Variants in TRAK1 observed in about 807,000 individuals in gnomAD.
TRAK1 encodes trafficking kinesin protein 1, also known as trafficking kinesin-binding protein 1.
TRAK1 carries 33 observed loss-of-function variants against 92.1 expected under a neutral mutation model. The observed-to-expected ratio is 0.36, with a 90% CI of 0.27 to 0.48. The LOEUF (loss-of-function observed/expected upper bound fraction) is 0.48, where lower values mean the gene tolerates loss of function less well. Among genes scored for constraint, TRAK1 ranks in the 20% least tolerant of loss-of-function variants. The pLI is 0.99. For synonymous variants in TRAK1, 521 were observed against 517.3 expected (o/e 1.01, Z -0.10); for missense variants, 1,123 against 1,257.9 (o/e 0.89, Z 1.62).
chr3:42,022,933 C>T (rs1198962887), intron 1 of TRAK1, among the ~76,000 whole-genome samples: 9 of 151,676 alleles, frequency 5.9e-5, no homozygotes, highest in African/African-American at 1.5e-4. Context: ...CTGAGGCTGG[C>T]GGATCACGAG....
chr3:42,197,490 T>C (rs1373422041), intron 10 of TRAK1, among the ~76,000 whole-genome samples: 1 of 152,210 alleles, frequency 6.6e-6, no homozygotes, highest in Non-Finnish European at 1.5e-5. Context: ...TAGTTGAATC[T>C]GAAGAAGTGG....
At chr3:42,210,486 A>G in intron 14 of TRAK1, 4 of 1,223,364 alleles carry the variant, frequency 3.3e-6, no homozygotes, top group Non-Finnish European at 4.1e-6. Flanking sequence ...TGTCTCCCTG[A>G]GTCTAAGGGG....
rs1476203540 is a variant in TRAK1 at position 42,097,958 on chromosome 3, T to TGGG, written c.91+6399_91+6400insGGG. 1.1e-4 allele frequency among the ~76,000 whole-genome samples: 17 copies of TGGG among 152,334 alleles called. No individual in the cohort carries two copies. The East Asian group carries it at 3.3e-3, about 29-fold the overall frequency. On this transcript the variant is annotated intron_variant, in intron 1 of 15. Coordinates refer to ENST00000327628, the MANE Select transcript of TRAK1 (RefSeq NM_001042646.3). ...CTATGTGAACACCAGGGTCCAGTGA[T>TGGG]GTTTCTATTTCCGGAGGAGTATCTT...
intron 1 of TRAK1, among the ~76,000 whole-genome samples, chr3:42,055,298 G>A (rs983341372): frequency 3.9e-5 from 6 of 152,024 alleles, no homozygotes; most frequent in South Asian, 2.1e-4. Context: ...GAAACTGCCC[G>A]TAAAACTCTC....
intron 15 of TRAK1, among the ~76,000 whole-genome samples, chr3:42,219,880 C>T (rs992114196): frequency 1.4e-5 from 2 of 147,382 alleles, no homozygotes; most frequent in East Asian, 4.1e-4. Flanking sequence ...ACTGCAACCT[C>T]CACCTCCTGG....
At chr3:42,193,004 A>T in intron 7 of TRAK1, 71 bp from the exon 8 acceptor site, 1 of 1,578,374 alleles carries the variant, frequency 6.3e-7, no homozygotes, top group African/African-American at 1.4e-5. Flanking sequence ...AACCACAAAG[A>T]AACCATTCTC....
chr3:42,149,589 A>T, intron 2 of TRAK1: 1 of 1,536,074 alleles, frequency 6.5e-7, no homozygotes, highest in Non-Finnish European at 8.7e-7. Flanking sequence ...ATTATGAAGA[A>T]TGCTCGGATG....
At chr3:42,158,228 C>G (rs1182198130) in intron 2 of TRAK1, among the ~76,000 whole-genome samples, 1 of 152,064 alleles carries the variant, frequency 6.6e-6, no homozygotes, top group African/African-American at 2.4e-5. Flanking sequence ...TGAGTAAAGT[C>G]ACTTGATAGT....
intron 2 of TRAK1, among the ~76,000 whole-genome samples, chr3:42,130,886 G>A (rs1453434001): frequency 2.0e-5 from 3 of 152,182 alleles, no homozygotes; most frequent in African/African-American, 7.2e-5. Flanking sequence ...GCCTTGCACA[G>A]CCAGGGTATG....
chr3:42,196,998 T>TCACACACACA (rs1378434520), intron 10 of TRAK1, among the ~76,000 whole-genome samples: 16 of 94,844 alleles, frequency 1.7e-4, no homozygotes, highest in African/African-American at 6.1e-4. Flanking sequence ...TCTCTCTCTC[T>TCACACACACA]CTCTCACACA....
chr3:42,028,879 C>T (rs184782439), intron 1 of TRAK1, among the ~76,000 whole-genome samples: 54 of 152,174 alleles, frequency 3.5e-4, no homozygotes, highest in Non-Finnish European at 5.9e-4. Context: ...ATTTATGAGA[C>T]GGTATGTTAG....
intron 1 of TRAK1, among the ~76,000 whole-genome samples, chr3:42,054,362 A>G (rs1196478041): frequency 6.6e-6 from 1 of 152,182 alleles, no homozygotes; most frequent in African/African-American, 2.4e-5. Context: ...AGGCAGAGGC[A>G]AGGAGAGGCA....
At chr3:42,048,172 C>T (rs958994072) in intron 1 of TRAK1, among the ~76,000 whole-genome samples, 6 of 152,066 alleles carry the variant, frequency 3.9e-5, no homozygotes, top group African/African-American at 1.4e-4. Context: ...TTTCAATCTG[C>T]AGGTCCCCCT....
At chr3:42,219,443 A>G in intron 14 of TRAK1, 51 bp from the exon 15 acceptor site, 3 of 1,612,920 alleles carry the variant, frequency 1.9e-6, no homozygotes, top group Non-Finnish European at 2.5e-6. Context: ...TTTAATTTTT[A>G]TTGTGGTTGT....
intron 2 of TRAK1, among the ~76,000 whole-genome samples, chr3:42,126,268 T>C (rs989697098): frequency 2.0e-5 from 3 of 152,062 alleles, no homozygotes; most frequent in East Asian, 3.8e-4. Flanking sequence ...ACCAAAGATA[T>C]TGGGAATATC....
At chr3:42,061,619 C>A (rs1224623942) in intron 1 of TRAK1, among the ~76,000 whole-genome samples, 4 of 152,052 alleles carry the variant, frequency 2.6e-5, no homozygotes, top group Non-Finnish European at 5.9e-5. Context: ...ATATAGAAAT[C>A]CCAGCCATCA....
intron 14 of TRAK1, chr3:42,210,859 A>G: frequency 1.0e-6 from 1 of 977,504 alleles, no homozygotes; most frequent in South Asian, 4.7e-5. Context: ...ACTGTCCCCA[A>G]GCATTAAAGG....
At chr3:42,070,770 AGCTTGTGCC>A (rs1220445792) in intron 1 of TRAK1, among the ~76,000 whole-genome samples, 1 of 152,236 alleles carries the variant, frequency 6.6e-6, no homozygotes, top group Non-Finnish European at 1.5e-5. Flanking sequence ...GTGGCACAGT[AGCTTGTGCC>A]TGCTGGTTCT....
chr3:42,210,410 A>G lies in TRAK1; in HGVS notation c.1963+425A>G, dbSNP rs898430139. 12 of 1,272,018 alleles carry G rather than the reference A, an allele frequency of 9.4e-6. No individual in the cohort carries two copies. In the East Asian group the frequency reaches 1.4e-4, roughly 15 times the overall value. 78.8% of individuals were successfully genotyped at this position (1,272,018 alleles called of 1,614,324 possible). On this transcript the variant is annotated intron_variant, in intron 14 of 15. Coordinates refer to ENST00000327628, the MANE Select transcript of TRAK1 (RefSeq NM_001042646.3). ...GGGAGCAGGAAAGGCTGCTAAAAAA[A>G]AAAAAAAAAAAAAAAGTGGGCTTTT...
Sources: gnomAD v4.1 joint callset for allele counts (sites outside exome capture counted in the v4.1 genomes callset) on GRCh38, gnomAD v4.1.1 for gene constraint, MANE v1.5 for transcripts, NCBI Gene and HGNC (gene_info 2026-07-23, HGNC 2026-07-21) for gene names.